SLC26A7: variants seen among roughly 807,000 people sequenced by gnomAD.
The protein encoded by SLC26A7 is anion exchange transporter.
In SLC26A7, 59 loss-of-function variants were observed where a neutral mutation model predicts 82.5. The ratio of observed to expected loss-of-function variants is 0.72; its 90% confidence interval spans 0.58 to 0.89. The LOEUF is 0.89. SLC26A7 is among the 40% of genes least tolerant of loss of function. The probability of loss-of-function intolerance (pLI) is 0.00; values close to 1 mark genes in which losing one functional copy is unlikely to be tolerated. For synonymous variants in SLC26A7, 271 were observed against 274.3 expected (o/e 0.99, Z 0.12); for missense variants, 820 against 793.0 (o/e 1.03, Z -0.41).
intron 2 of SLC26A7, among the ~76,000 whole-genome samples, chr8:91,264,588 T>A (rs1811058567): frequency 6.6e-6 from 1 of 151,984 alleles, no homozygotes; most frequent in Non-Finnish European, 1.5e-5. Flanking sequence ...CCCATGATGT[T>A]GTTTCTATTG....
intron 4 of SLC26A7, 152 bp from the exon 5 acceptor site, chr8:91,318,064 G>T (rs1812690043): frequency 6.5e-6 from 3 of 460,092 alleles, no homozygotes; most frequent in Non-Finnish European, 1.1e-5. Flanking sequence ...GGAAACCCAA[G>T]ATATTGTATA....
At chr8:91,311,405 T>A (rs1421155354) in intron 4 of SLC26A7, among the ~76,000 whole-genome samples, 1 of 151,948 alleles carries the variant, frequency 6.6e-6, no homozygotes, top group Non-Finnish European at 1.5e-5. Flanking sequence ...ACTCCTGACC[T>A]CCTAAATGAT....
intron 2 of SLC26A7, among the ~76,000 whole-genome samples, chr8:91,223,449 C>G (rs1810189556): frequency 6.6e-6 from 1 of 152,166 alleles, no homozygotes; most frequent in African/African-American, 2.4e-5. Context: ...ATCTTTCCAG[C>G]TTTCTGGTGT....
chr8:91,394,828 A>G, intron 18 of SLC26A7: 1 of 840,928 alleles, frequency 1.2e-6, no homozygotes, highest in Non-Finnish European at 1.7e-6. Flanking sequence ...TTTTAGAAAC[A>G]AGGAAACTGA....
chr8:91,258,353 A>G (rs1810864595), intron 2 of SLC26A7, among the ~76,000 whole-genome samples: 1 of 152,036 alleles, frequency 6.6e-6, no homozygotes, highest in Admixed American at 6.6e-5. Flanking sequence ...CATTTTTCCT[A>G]CCAAAAGTAA....
intron 14 of SLC26A7, 26 bp from the exon 15 acceptor site, chr8:91,369,756 TTTC>T (rs1434247656): frequency 6.6e-7 from 1 of 1,506,370 alleles, no homozygotes; most frequent in Non-Finnish European, 9.0e-7. Flanking sequence ...TTATAACATT[TTTC>T]TTCTTTATGT....
At chr8:91,294,987 C>A (rs1034990947) in intron 3 of SLC26A7, among the ~76,000 whole-genome samples, 1 of 152,028 alleles carries the variant, frequency 6.6e-6, no homozygotes, top group Non-Finnish European at 1.5e-5. Context: ...GGGATTTGAG[C>A]CAGACCTTGA....
intron 2 of SLC26A7, among the ~76,000 whole-genome samples, chr8:91,276,339 G>A (rs1811405437): frequency 6.6e-6 from 1 of 152,050 alleles, no homozygotes. Context: ...ACTTGCATTT[G>A]TATATTATTT....
intron 15 of SLC26A7, among the ~76,000 whole-genome samples, chr8:91,377,284 C>A (rs182390453): frequency 6.6e-6 from 1 of 152,310 alleles, no homozygotes; most frequent in East Asian, 1.9e-4. Context: ...ATGTCTATTC[C>A]TGGCTGCTGG....
At chr8:91,289,312 T>C in intron 3 of SLC26A7, 66 bp downstream of exon 3, 3 of 1,217,978 alleles carry the variant, frequency 2.5e-6, no homozygotes, top group Non-Finnish European at 2.4e-6. Context: ...TATTACTGAT[T>C]ACATCTCCTT....
intron 2 of SLC26A7, among the ~76,000 whole-genome samples, chr8:91,251,766 G>C (rs567502173): frequency 6.6e-6 from 1 of 152,004 alleles, no homozygotes; most frequent in African/African-American, 2.4e-5. Context: ...GTCAGGACTT[G>C]ATTCCAAAGC....
chr8:91,298,237 G>A (rs749692498), intron 4 of SLC26A7, among the ~76,000 whole-genome samples: 1 of 152,050 alleles, frequency 6.6e-6, no homozygotes, highest in Non-Finnish European at 1.5e-5. Context: ...CCCCACTAAA[G>A]TGTAGCTTGT....
intron 1 of SLC26A7, among the ~76,000 whole-genome samples, chr8:91,215,879 T>C (rs1246141378): frequency 6.6e-6 from 1 of 152,180 alleles, no homozygotes; most frequent in African/African-American, 2.4e-5. Context: ...TGGACATATG[T>C]CGTACCAGTA....
At chr8:91,213,514 G>C (rs1325463349) in intron 1 of SLC26A7, among the ~76,000 whole-genome samples, 1 of 152,204 alleles carries the variant, frequency 6.6e-6, no homozygotes, top group East Asian at 1.9e-4. Context: ...CCTGCTTTAA[G>C]CAGGGAACTG....
intron 2 of SLC26A7, among the ~76,000 whole-genome samples, chr8:91,225,561 ATTT>A (rs893654824): frequency 9.0e-5 from 6 of 66,934 alleles, no homozygotes; most frequent in Non-Finnish European, 1.8e-4. Flanking sequence ...GCTTATTATG[ATTT>A]TTTTTTTTTT....
chr8:91,275,492 G>T (rs761729502), intron 2 of SLC26A7, among the ~76,000 whole-genome samples: 2 of 151,976 alleles, frequency 1.3e-5, no homozygotes, highest in Non-Finnish European at 2.9e-5. Context: ...TGGAGACAGG[G>T]TCTCATTGTA....
At chr8:91,212,462 C>T (rs867195453) in intron 1 of SLC26A7, among the ~76,000 whole-genome samples, 72 of 152,058 alleles carry the variant, frequency 4.7e-4, no homozygotes, top group Admixed American at 2.6e-3. Context: ...GATTAGACTG[C>T]GTAGGTCTCC....
chr8:91,236,037 G>A (rs941863481), intron 2 of SLC26A7, among the ~76,000 whole-genome samples: 2 of 152,048 alleles, frequency 1.3e-5, no homozygotes, highest in East Asian at 1.9e-4. Context: ...TCATCTCTTC[G>A]AAAAGCCCTC....
At chr8:91,371,640 C>T (rs139609428) in intron 15 of SLC26A7, among the ~76,000 whole-genome samples, 52 of 151,792 alleles carry the variant, frequency 3.4e-4, no homozygotes, top group Admixed American at 9.8e-4. Flanking sequence ...TCCAGTCCAT[C>T]TAGGTTGATT....
Sources: allele counts gnomAD v4.1 joint callset (sites outside exome capture counted in the v4.1 genomes callset), GRCh38; gene constraint gnomAD v4.1.1; transcripts MANE v1.5; gene names NCBI Gene and HGNC (gene_info 2026-07-23, HGNC 2026-07-21).